TLK2: variants seen among roughly 807,000 people sequenced by gnomAD.
The protein encoded by TLK2 is serine/threonine-protein kinase tousled-like 2.
Under a neutral mutation model 117.3 loss-of-function variants are expected in TLK2, and 6 were observed. The ratio of observed to expected loss-of-function variants is 0.05; its 90% CI spans 0.03 to 0.10. The LOEUF (loss-of-function observed/expected upper bound fraction) is 0.10, where lower values mean the gene tolerates loss of function less well. Ranked by LOEUF, TLK2 falls within the 10% of genes least tolerant of loss-of-function variation. TLK2 has a pLI of 1.00. For synonymous variants in TLK2, 257 were observed against 316.7 expected, an observed-to-expected ratio of 0.81 and a Z score of 2.00; for missense variants, 299 against 901.2, an observed-to-expected ratio of 0.33 and a Z score of 8.56.
intron 7 of TLK2, among the ~76,000 whole-genome samples, chr17:62,538,176 C>T (rs2077250755): frequency 2.0e-5 from 3 of 151,392 alleles, no homozygotes; most frequent in Non-Finnish European, 1.5e-5. Flanking sequence ...GCTGGGACTA[C>T]AGGCACCCGC....
At chr17:62,526,981 C>T (rs751678472) in intron 6 of TLK2, among the ~76,000 whole-genome samples, 3 of 152,204 alleles carry the variant, frequency 2.0e-5, no homozygotes, top group Non-Finnish European at 4.4e-5. Context: ...AAAGCTCCTG[C>T]GTGATCTGTG....
In TLK2 at chr17:62,612,771, T is replaced by C; in HGVS notation, c.*206T>C. On this transcript the variant is annotated 3_prime_UTR_variant, in exon 22 of 22. Coordinates refer to ENST00000346027, the MANE Select transcript of TLK2 (RefSeq NM_006852.6). ...CTTGGGCAGCTCCGGCCAGGCCTTG[T>C]AGGAAAAGGCCCCGCCCGAGGTTCC... 7.2e-6 allele frequency: 3 copies of C among 413,826 alleles called. No homozygotes were observed. Among genetic ancestry groups the C allele is most frequent in the South Asian group, 1.1e-4 (2 of 18,404 alleles). 25.6% of individuals were successfully genotyped at this position (413,826 alleles called of 1,614,324 possible).
intron 2 of TLK2, among the ~76,000 whole-genome samples, chr17:62,513,968 T>G (rs2075359409): frequency 6.6e-6 from 1 of 152,066 alleles, no homozygotes; most frequent in Admixed American, 6.6e-5. Context: ...ATTACAGGTG[T>G]GAGCCCACCG....
chr17:62,602,017 A>G lies in TLK2; in HGVS notation c.1721-25A>G, dbSNP rs185552601. ...CTCTTAAATCAGTAAGTCTCTGCTT[A>G]TTCATGAAGGTTTTTATTTTTTAGG... On this transcript the variant is annotated intron_variant, in intron 18 of 21. Transcript: ENST00000346027. The G allele has an allele frequency of 7.7e-4, 1,229 of 1,598,856 alleles. 1 individual carries two copies. Among genetic ancestry groups the G allele is most frequent in the Non-Finnish European group, 9.7e-4 (1,134 of 1,171,806 alleles).
At position 62,615,179 on chromosome 17, in the gene TLK2, G is replaced by A. The variant is rs1454473256; in HGVS notation, c.*2614G>A. The A allele has an allele frequency of 6.6e-6, 1 of 152,128 alleles. No individual in the cohort carries two copies. The highest frequency in any genetic ancestry group is 1.5e-5 in the Non-Finnish European group (1 of 68,052). The allele number at this position is 152,128 out of a possible 1,614,324, so 9.4% of individuals were successfully genotyped here. A position where few individuals can be genotyped will look rare whatever the true frequency, so the allele number is the denominator to read the frequency against. On this transcript the variant is annotated 3_prime_UTR_variant, in exon 22 of 22. Coordinates refer to ENST00000346027, the MANE Select transcript of TLK2 (RefSeq NM_006852.6). ...TTTGGAGCTAACTAGGCTTGGCTGA[G>A]TCCGGGCAAGACCTTCTTCCGAGGC...
chr17:62,540,099 CTT>C (rs571889873), intron 7 of TLK2, among the ~76,000 whole-genome samples: 10 of 125,064 alleles, frequency 8.0e-5, no homozygotes, highest in Admixed American at 1.6e-4. Context: ...TCTTTCTTTT[CTT>C]TTTTTTTTTT....
intron 9 of TLK2, among the ~76,000 whole-genome samples, chr17:62,554,611 G>A (rs765752569): frequency 1.3e-5 from 2 of 151,850 alleles, no homozygotes; most frequent in African/African-American, 2.4e-5. Flanking sequence ...AAAAAGGACC[G>A]GGCATGGTGG....
chr17:62,509,079 A>G (rs1567816924), intron 2 of TLK2, among the ~76,000 whole-genome samples: 1 of 152,102 alleles, frequency 6.6e-6, no homozygotes, highest in Non-Finnish European at 1.5e-5. Flanking sequence ...CTAACCTTTT[A>G]TTTTATTTAT....
intron 6 of TLK2, among the ~76,000 whole-genome samples, chr17:62,532,810 T>C (rs185911905): frequency 6.6e-6 from 1 of 152,316 alleles, no homozygotes; most frequent in East Asian, 1.9e-4. Context: ...ACATACTTAT[T>C]AACTTACGCA....
intron 7 of TLK2, among the ~76,000 whole-genome samples, chr17:62,539,025 A>G (rs1349016988): frequency 6.6e-6 from 1 of 152,172 alleles, no homozygotes; most frequent in Middle Eastern, 3.2e-3. Flanking sequence ...TGACCTAGCA[A>G]ATTGGCAAGG....
At chr17:62,604,521 A>C (rs1182787281) in intron 19 of TLK2, among the ~76,000 whole-genome samples, 3 of 152,212 alleles carry the variant, frequency 2.0e-5, no homozygotes, top group Non-Finnish European at 4.4e-5. Context: ...TATTTGGATG[A>C]AGAATTAATT....
chr17:62,498,207 A>G (rs1448718809), intron 2 of TLK2, among the ~76,000 whole-genome samples: 2 of 152,154 alleles, frequency 1.3e-5, no homozygotes, highest in Non-Finnish European at 1.5e-5. Flanking sequence ...ATTCACCGTA[A>G]CAGATTCCTT....
intron 7 of TLK2, among the ~76,000 whole-genome samples, chr17:62,547,859 G>A (rs1195626135): frequency 5.3e-5 from 8 of 152,102 alleles, no homozygotes; most frequent in Non-Finnish European, 8.8e-5. Flanking sequence ...AGACAGACCC[G>A]GGTAGGCTGA....
chr17:62,571,871 T>G (rs1014060421), intron 11 of TLK2, among the ~76,000 whole-genome samples: 1 of 152,198 alleles, frequency 6.6e-6, no homozygotes, highest in East Asian at 1.9e-4. Context: ...GTGTAGGTTT[T>G]AAAAAATTAG....
At chr17:62,559,833 T>C (rs1156944782) in intron 9 of TLK2, among the ~76,000 whole-genome samples, 183 bp from the exon 10 acceptor site, 1 of 152,232 alleles carries the variant, frequency 6.6e-6, no homozygotes, top group Non-Finnish European at 1.5e-5. Context: ...TGATATGTTA[T>C]GAGAGAATAA....
chr17:62,514,035 A>G (rs968684530), intron 2 of TLK2, among the ~76,000 whole-genome samples: 2 of 151,988 alleles, frequency 1.3e-5, no homozygotes, highest in African/African-American at 2.4e-5. Context: ...CTAATATAGA[A>G]TGTCTTGCCT....
At chr17:62,537,925 C>G (rs1417924133) in intron 7 of TLK2, among the ~76,000 whole-genome samples, 1 of 151,486 alleles carries the variant, frequency 6.6e-6, no homozygotes, top group Non-Finnish European at 1.5e-5. Flanking sequence ...GGAATAGTTC[C>G]TTTGAGAATG....
intron 2 of TLK2, among the ~76,000 whole-genome samples, chr17:62,510,364 T>C (rs931531568): frequency 4.2e-4 from 64 of 152,218 alleles, no homozygotes; most frequent in Middle Eastern, 3.2e-3. Flanking sequence ...TTGAACCAGA[T>C]AGCCTTGGTT....
intron 16 of TLK2, among the ~76,000 whole-genome samples, chr17:62,594,341 A>G (rs983403343): frequency 6.6e-5 from 10 of 152,042 alleles, no homozygotes; most frequent in African/African-American, 2.4e-4. Flanking sequence ...CTGGAAGGCA[A>G]AGACCACAGT....
Sources: allele counts gnomAD v4.1 joint callset (sites outside exome capture counted in the v4.1 genomes callset), GRCh38; gene constraint gnomAD v4.1.1; transcripts MANE v1.5; gene names NCBI Gene and HGNC (gene_info 2026-07-23, HGNC 2026-07-21).